The following PTPRG variants were observed in gnomAD, a reference collection of about 807,000 sequenced individuals.
PTPRG encodes the protein protein tyrosine phosphatase receptor type G.
A neutral mutation model predicts 165.3 loss-of-function variants in PTPRG; 102 were observed. The observed-to-expected ratio is 0.62, with a 90% CI of 0.53 to 0.73. The LOEUF is 0.73. Among genes scored for constraint, PTPRG ranks in the 30% least tolerant of loss-of-function variants. The pLI is 0.00. For missense variants in PTPRG, 1,866 were observed against 1,861.4 expected (o/e 1.00, Z -0.05); for synonymous variants, 675 against 669.5 (o/e 1.01, Z -0.13).
At chr3:61,691,726 CAG>C (rs1270330319) in intron 1 of PTPRG, among the ~76,000 whole-genome samples, 1 of 152,188 alleles carries the variant, frequency 6.6e-6, no homozygotes, top group Non-Finnish European at 1.5e-5. Flanking sequence ...AGTAATGCAA[CAG>C]TGCTTTCCCT....
intron 2 of PTPRG, among the ~76,000 whole-genome samples, chr3:61,789,419 A>G (rs898552653): frequency 1.3e-5 from 2 of 152,170 alleles, no homozygotes; most frequent in African/African-American, 4.8e-5. Context: ...CTAGTTTCTT[A>G]TAATACAGAG....
At chr3:61,860,950 C>T (rs1303498705) in intron 2 of PTPRG, among the ~76,000 whole-genome samples, 1 of 152,062 alleles carries the variant, frequency 6.6e-6, no homozygotes, top group Non-Finnish European at 1.5e-5. Context: ...GCCACAGCCA[C>T]CCCCCTTCCC....
intron 2 of PTPRG, among the ~76,000 whole-genome samples, chr3:61,819,209 T>G (rs1439758610): frequency 6.6e-6 from 1 of 152,176 alleles, no homozygotes; most frequent in South Asian, 2.1e-4. Context: ...CAAAATGGTC[T>G]TCAACTATGA....
At chr3:61,629,235 G>T (rs940327376) in intron 1 of PTPRG, among the ~76,000 whole-genome samples, 5 of 152,074 alleles carry the variant, frequency 3.3e-5, no homozygotes, top group African/African-American at 1.2e-4. Context: ...GCTCACTGCA[G>T]CCTCTGCCTC....
intron 9 of PTPRG, among the ~76,000 whole-genome samples, chr3:62,192,393 CTTTT>C (rs71123255): frequency 4.9e-4 from 26 of 52,610 alleles, no homozygotes; most frequent in African/African-American, 1.5e-3. Flanking sequence ...CAACTACTGT[CTTTT>C]TTTTTTTTTT....
intron 28 of PTPRG, among the ~76,000 whole-genome samples, chr3:62,283,652 T>G (rs182954720): frequency 1.3e-5 from 2 of 152,262 alleles, no homozygotes; most frequent in Admixed American, 1.3e-4. Flanking sequence ...GCATTCATTA[T>G]GTTCATTAAA....
At chr3:62,039,999 G>A (rs972768801) in intron 4 of PTPRG, among the ~76,000 whole-genome samples, 1 of 152,160 alleles carries the variant, frequency 6.6e-6, no homozygotes, top group Non-Finnish European at 1.5e-5. Context: ...AGTTTCTGAT[G>A]GTTTTCAGTG....
intron 2 of PTPRG, among the ~76,000 whole-genome samples, chr3:61,805,293 C>G (rs2035377381): frequency 6.6e-6 from 1 of 152,134 alleles, no homozygotes; most frequent in Non-Finnish European, 1.5e-5. Flanking sequence ...CTACAATGCA[C>G]TGGACTGTCC....
At chr3:62,171,585 A>G (rs138585117) in intron 8 of PTPRG, among the ~76,000 whole-genome samples, 8 of 152,226 alleles carry the variant, frequency 5.3e-5, no homozygotes, top group South Asian at 2.1e-4. Context: ...TCCTGCCCTC[A>G]ACCCCAGGCA....
At chr3:62,047,895 A>G (rs974839022) in intron 4 of PTPRG, among the ~76,000 whole-genome samples, 2 of 152,162 alleles carry the variant, frequency 1.3e-5, no homozygotes, top group Non-Finnish European at 2.9e-5. Flanking sequence ...ACAGGATCGC[A>G]AAAAAGCCAG....
chr3:61,639,562 T>G (rs758311763), intron 1 of PTPRG, among the ~76,000 whole-genome samples: 1 of 148,628 alleles, frequency 6.7e-6, no homozygotes, highest in Non-Finnish European at 1.5e-5. Flanking sequence ...TTTTTCCATT[T>G]GTTTGTGTCA....
chr3:61,879,170 A>T (rs1260310682), intron 2 of PTPRG, among the ~76,000 whole-genome samples: 1 of 152,206 alleles, frequency 6.6e-6, no homozygotes, highest in Admixed American at 6.5e-5. Flanking sequence ...GAGCTGCAGG[A>T]CTATAATGCT....
chr3:62,086,361 T>C (rs1300256635), intron 5 of PTPRG, among the ~76,000 whole-genome samples: 1 of 152,034 alleles, frequency 6.6e-6, no homozygotes, highest in Non-Finnish European at 1.5e-5. Context: ...AGGGATAAAT[T>C]AGTAATTTTA....
Position 61,686,075 on chromosome 3 carries a change from C to T in PTPRG, c.86-62803C>T, listed in dbSNP as rs113980512. On this transcript the variant is annotated intron_variant, in intron 1 of 29. Transcript: ENST00000474889. ...CACTTGGTGCTCGTTACCTCATTCC[C>T]GTGGTCTTGCGTGGGGAGGGACTTG... Among the ~76,000 whole-genome samples the T allele has an allele frequency of 1.9e-3, 290 of 152,258 alleles. 2 individuals are homozygous for T. Among genetic ancestry groups the T allele is most frequent in the African/African-American group, 6.7e-3 (279 of 41,560 alleles).
chr3:61,714,156 C>G (rs1045342643), intron 1 of PTPRG, among the ~76,000 whole-genome samples: 2 of 152,096 alleles, frequency 1.3e-5, no homozygotes, highest in East Asian at 3.9e-4. Flanking sequence ...CTGCAAACCT[C>G]AAGGAGAGGC....
intron 1 of PTPRG, chr3:61,659,433 A>C: frequency 1.0e-6 from 1 of 985,336 alleles, no homozygotes; most frequent in Non-Finnish European, 1.2e-6. Context: ...CTTAAAAGTG[A>C]AAAAGCCTTT....
intron 1 of PTPRG, among the ~76,000 whole-genome samples, chr3:61,672,447 T>C (rs113338058): frequency 0.72 from 87,459 of 121,568 alleles, 31,475 homozygotes; most frequent in East Asian, 0.89. Context: ...ACTGAGTGAA[T>C]GAGACTCCGT....
intron 1 of PTPRG, among the ~76,000 whole-genome samples, chr3:61,673,594 T>A (rs1575580939): frequency 6.6e-6 from 1 of 152,264 alleles, no homozygotes; most frequent in East Asian, 1.9e-4. Flanking sequence ...TGTACTAGTT[T>A]ATTATTACTG....
chr3:61,574,667 A>G (rs1477191976), intron 1 of PTPRG, among the ~76,000 whole-genome samples: 1 of 152,174 alleles, frequency 6.6e-6, no homozygotes, highest in African/African-American at 2.4e-5. Context: ...TTGCTGTAAC[A>G]TTATCTGAGA....
Sources: allele counts gnomAD v4.1 joint callset (sites outside exome capture counted in the v4.1 genomes callset), GRCh38; gene constraint gnomAD v4.1.1; transcripts MANE v1.5; gene names NCBI Gene and HGNC (gene_info 2026-07-23, HGNC 2026-07-21).